Variants in ABTB3 observed in about 807,000 individuals in gnomAD.
ABTB3 encodes ankyrin repeat- and BTB/POZ domain-containing protein 3.
At chr12:107,473,411 T>C in the ABTB3 span, among the ~76,000 whole-genome samples, 2 of 152,258 alleles carry the variant, frequency 1.3e-5, no homozygotes, top group African/African-American at 4.8e-5. Flanking sequence ...TGGAGTGCAG[T>C]GGCATGATGT....
At chr12:107,487,365 C>T in the ABTB3 span, among the ~76,000 whole-genome samples, 1,250 of 152,192 alleles carry the variant, frequency 8.2e-3, 26 homozygotes, top group African/African-American at 0.028. Flanking sequence ...TCTAAGCTTA[C>T]GGGGTTGGAG....
the ABTB3 span, among the ~76,000 whole-genome samples, chr12:107,334,563 T>C: frequency 6.6e-6 from 1 of 152,098 alleles, no homozygotes; most frequent in African/African-American, 2.4e-5. Context: ...GTTCGAGGTA[T>C]CTTTTAGGTG....
At chr12:107,440,963 G>C in the ABTB3 span, among the ~76,000 whole-genome samples, 1 of 152,166 alleles carries the variant, frequency 6.6e-6, no homozygotes, top group East Asian at 1.9e-4. Flanking sequence ...AGCTGGAAGT[G>C]ACTTGCTCAG....
chr12:107,331,200 C>A, the ABTB3 span, among the ~76,000 whole-genome samples: 1 of 152,208 alleles, frequency 6.6e-6, no homozygotes, highest in Non-Finnish European at 1.5e-5. Context: ...GTGGCACAGC[C>A]TTTTTCTCTC....
chr12:107,442,250 C>A, the ABTB3 span, among the ~76,000 whole-genome samples: 1 of 152,078 alleles, frequency 6.6e-6, no homozygotes, highest in Non-Finnish European at 1.5e-5. Context: ...TACTTTGGAT[C>A]TTTTTTTCAA....
the ABTB3 span, among the ~76,000 whole-genome samples, chr12:107,409,451 A>T: frequency 6.6e-6 from 1 of 152,240 alleles, no homozygotes; most frequent in Non-Finnish European, 1.5e-5. Flanking sequence ...GAATATAAAG[A>T]TACATGCACC....
At chr12:107,338,246 A>G in the ABTB3 span, among the ~76,000 whole-genome samples, 1 of 152,234 alleles carries the variant, frequency 6.6e-6, no homozygotes, top group East Asian at 1.9e-4. Context: ...GATGTTTAAT[A>G]TTAATCAGGC....
At chr12:107,627,999 C>A in the ABTB3 span, among the ~76,000 whole-genome samples, 1 of 152,188 alleles carries the variant, frequency 6.6e-6, no homozygotes, top group African/African-American at 2.4e-5. Context: ...GTGCTGCACT[C>A]AGGGCCTCAG....
chr12:107,544,683 C>G, the ABTB3 span, among the ~76,000 whole-genome samples: 1 of 152,210 alleles, frequency 6.6e-6, no homozygotes, highest in Non-Finnish European at 1.5e-5. Context: ...TGCCTCCCCA[C>G]TTCCTTTAGC....
At chr12:107,602,370 T>C in the ABTB3 span, among the ~76,000 whole-genome samples, 4 of 152,242 alleles carry the variant, frequency 2.6e-5, no homozygotes, top group Non-Finnish European at 4.4e-5. Context: ...TGTGTCTCTG[T>C]ATTTGCTTCT....
chr12:107,585,732 GCACTTTTCCTAAAATA>G, the ABTB3 span, among the ~76,000 whole-genome samples: 1 of 152,192 alleles, frequency 6.6e-6, no homozygotes, highest in African/African-American at 2.4e-5. Flanking sequence ...GGCCTCAACA[GCACTTTTCCTAAAATA>G]CAACTCTATA....
chr12:107,648,557 T>C, the ABTB3 span, among the ~76,000 whole-genome samples: 3 of 152,110 alleles, frequency 2.0e-5, no homozygotes, highest in Admixed American at 2.0e-4. Context: ...GCTCTGGAAG[T>C]TTTGCCTGCT....
chr12:107,394,379 G>A, the ABTB3 span, among the ~76,000 whole-genome samples: 2 of 152,182 alleles, frequency 1.3e-5, no homozygotes, highest in Non-Finnish European at 2.9e-5. Flanking sequence ...CCTAGTGAAA[G>A]GTACTGTCAT....
the ABTB3 span, among the ~76,000 whole-genome samples, chr12:107,395,891 G>C: frequency 6.6e-6 from 1 of 152,260 alleles, no homozygotes; most frequent in African/African-American, 2.4e-5. Flanking sequence ...AAGAGGTGGT[G>C]ACCAGAGATA....
chr12:107,502,015 T>C, the ABTB3 span, among the ~76,000 whole-genome samples: 2 of 151,950 alleles, frequency 1.3e-5, no homozygotes, highest in South Asian at 2.1e-4. Flanking sequence ...GCCTGGGTGA[T>C]GTCCCCAGAA....
chr12:107,395,777 G>C, the ABTB3 span, among the ~76,000 whole-genome samples: 71,052 of 151,930 alleles, frequency 0.47, 17,053 homozygotes, highest in East Asian at 0.7. Context: ...CCTCCCTTCT[G>C]CCACGCTCTG....
chr12:107,487,324 C>G, the ABTB3 span, among the ~76,000 whole-genome samples: 1 of 152,164 alleles, frequency 6.6e-6, no homozygotes, highest in Admixed American at 6.5e-5. Context: ...GGAAGCCCTC[C>G]ATTTTTGGCT....
At chr12:107,572,460 C>T in the ABTB3 span, among the ~76,000 whole-genome samples, 3 of 152,238 alleles carry the variant, frequency 2.0e-5, no homozygotes, top group South Asian at 2.1e-4. Flanking sequence ...ACCAAGCAAA[C>T]GGGCACAGAC....
At chr12:107,571,127 A>G in the ABTB3 span, among the ~76,000 whole-genome samples, 1 of 152,248 alleles carries the variant, frequency 6.6e-6, no homozygotes, top group African/African-American at 2.4e-5. Flanking sequence ...CTTGCTTCAC[A>G]TATAACAAAC....
Sources: gnomAD v4.1 joint callset for allele counts (sites outside exome capture counted in the v4.1 genomes callset) on GRCh38, gnomAD v4.1.1 for gene constraint, MANE v1.5 for transcripts, NCBI Gene and HGNC (gene_info 2026-07-23, HGNC 2026-07-21) for gene names.